SORCS2: variants seen among roughly 807,000 people sequenced by gnomAD.
SORCS2 encodes VPS10 domain-containing receptor SorCS2.
Under a neutral mutation model 141.6 loss-of-function variants are expected in SORCS2, and 100 were observed. The observed-to-expected ratio is 0.71, with a 90% confidence interval of 0.60 to 0.83. The LOEUF (loss-of-function observed/expected upper bound fraction) is 0.83. Among genes scored for constraint, SORCS2 ranks in the 40% least tolerant of loss-of-function variants. SORCS2 has a pLI of 0.00. For synonymous variants in SORCS2, 789 were observed against 676.9 expected (o/e 1.17, Z -2.57); for missense variants, 1,646 against 1,560.2 (o/e 1.05, Z -0.93).
At chr4:7,619,401 G>A (rs1718995554) in intron 3 of SORCS2, among the ~76,000 whole-genome samples, 1 of 152,260 alleles carries the variant, frequency 6.6e-6, no homozygotes, top group South Asian at 2.1e-4. Flanking sequence ...AAGTCTGGGA[G>A]CGTGGCTTCC....
chr4:7,373,476 ATATTTTTTTTTTTTTTT>A (rs1231735364), intron 1 of SORCS2, among the ~76,000 whole-genome samples: 1 of 44,590 alleles, frequency 2.2e-5, no homozygotes, highest in Non-Finnish European at 3.4e-5. Flanking sequence ...ATATATATAT[ATATTTTTTTTTTTTTTT>A]TTTTTTTTTT....
chr4:7,530,433 G>C (rs576298931), intron 2 of SORCS2, among the ~76,000 whole-genome samples: 3 of 152,320 alleles, frequency 2.0e-5, no homozygotes, highest in African/African-American at 7.2e-5. Flanking sequence ...GCAGTGATCA[G>C]ACATGGGGAA....
chr4:7,502,594 G>C (rs1732035948), intron 2 of SORCS2, among the ~76,000 whole-genome samples: 1 of 152,186 alleles, frequency 6.6e-6, no homozygotes, highest in South Asian at 2.1e-4. Flanking sequence ...TGGCTCCCTT[G>C]ATCACCTTGT....
intron 2 of SORCS2, among the ~76,000 whole-genome samples, chr4:7,424,904 C>T (rs977450210): frequency 3.3e-5 from 5 of 152,216 alleles, no homozygotes; most frequent in Admixed American, 6.5e-5. Flanking sequence ...CACCACCTCC[C>T]GAGGGGCAGG....
At chr4:7,213,237 C>T (rs1728153112) in intron 1 of SORCS2, among the ~76,000 whole-genome samples, 1 of 151,766 alleles carries the variant, frequency 6.6e-6, no homozygotes, top group Admixed American at 6.6e-5. Context: ...GGCACCTCCT[C>T]CATGGGTGCT....
chr4:7,671,374 T>C (rs1722788582), intron 8 of SORCS2, among the ~76,000 whole-genome samples: 1 of 152,102 alleles, frequency 6.6e-6, no homozygotes, highest in South Asian at 2.1e-4. Flanking sequence ...AAACCTTCCC[T>C]GAGAAAGACC....
chr4:7,393,637 G>A (rs1446412559), intron 1 of SORCS2, among the ~76,000 whole-genome samples: 1 of 152,092 alleles, frequency 6.6e-6, no homozygotes, highest in Admixed American at 6.5e-5. Flanking sequence ...TGTGGCTCCT[G>A]GGGGCATGGG....
chr4:7,719,091 G>A (rs1379341938), intron 18 of SORCS2, among the ~76,000 whole-genome samples: 1 of 152,242 alleles, frequency 6.6e-6, no homozygotes, highest in African/African-American at 2.4e-5. Context: ...CTCCCGGCAC[G>A]CAGCTTTCCT....
intron 2 of SORCS2, among the ~76,000 whole-genome samples, chr4:7,481,357 G>C (rs1730623806): frequency 6.6e-6 from 1 of 152,254 alleles, no homozygotes; most frequent in Admixed American, 6.5e-5. Flanking sequence ...CTGCCAGGCA[G>C]GGCTGGGCTC....
chr4:7,248,155 C>A (rs1253255433), intron 1 of SORCS2, among the ~76,000 whole-genome samples: 12 of 152,164 alleles, frequency 7.9e-5, no homozygotes, highest in African/African-American at 2.9e-4. Flanking sequence ...GCCCCCCTAC[C>A]GAGGGAGGCT....
intron 1 of SORCS2, among the ~76,000 whole-genome samples, chr4:7,219,718 T>A (rs1023359146): frequency 1.3e-5 from 2 of 152,146 alleles, no homozygotes; most frequent in Non-Finnish European, 2.9e-5. Flanking sequence ...GCTGGGTCCC[T>A]CCCATGACAC....
Position 7,470,458 on chromosome 4 carries a change from A to C in SORCS2, c.549-61072A>C, listed in dbSNP as rs574166809. On this transcript the variant is annotated intron_variant, in intron 2 of 26. Transcript: ENST00000507866. The stretch of plus-strand genomic sequence containing the variant: ...TCACTCATCCATTCATCCAGGTGGG[A>C]TAGGGATGGACAGCTGCATGGGTTC... 1.6e-4 allele frequency among the ~76,000 whole-genome samples: 24 copies of C among 152,198 alleles called. No homozygotes were observed. The South Asian group carries it at 4.8e-3, about 30-fold the overall frequency.
rs1424804655 is a variant in SORCS2 at position 7,540,003 on chromosome 4, CCT to C, written c.648+8375_648+8376del. On this transcript the variant is annotated intron_variant, in intron 3 of 26. Transcript: ENST00000507866. ...CCTGTTGCAAAGGCCCCACTCCCTC[CCT>C]GTTATGGAGGCCCCGCCCCCTTTCT... Among the ~76,000 whole-genome samples, 3 of 150,882 alleles carry C rather than the reference CCT, an allele frequency of 2.0e-5. No individual in the cohort carries two copies. The East Asian group carries it at 6.0e-4, about 30-fold the overall frequency.
intron 1 of SORCS2, among the ~76,000 whole-genome samples, chr4:7,361,718 C>T (rs764195281): frequency 9.9e-5 from 15 of 151,766 alleles, no homozygotes; most frequent in Non-Finnish European, 1.8e-4. Flanking sequence ...GACCCCACTG[C>T]AGGCAGCTGT....
At chr4:7,405,985 A>G (rs1724944087) in intron 2 of SORCS2, among the ~76,000 whole-genome samples, 1 of 151,970 alleles carries the variant, frequency 6.6e-6, no homozygotes, top group South Asian at 2.1e-4. Context: ...TGTTGTATAT[A>G]GCCTTTATTA....
intron 2 of SORCS2, among the ~76,000 whole-genome samples, chr4:7,507,019 C>T (rs1732313113): frequency 6.6e-6 from 1 of 152,180 alleles, no homozygotes; most frequent in Non-Finnish European, 1.5e-5. Context: ...ACAGGAACCC[C>T]TCACTGTGAT....
chr4:7,356,318 C>T (rs1721250811), intron 1 of SORCS2, among the ~76,000 whole-genome samples: 1 of 152,218 alleles, frequency 6.6e-6, no homozygotes, highest in African/African-American at 2.4e-5. Context: ...AACAGAATAT[C>T]ACAGACTGAG....
chr4:7,210,323 T>C (rs950867942), intron 1 of SORCS2, among the ~76,000 whole-genome samples: 1 of 152,222 alleles, frequency 6.6e-6, no homozygotes, highest in Non-Finnish European at 1.5e-5. Context: ...TCTCTGTGGC[T>C]CAGGCTGGAG....
intron 9 of SORCS2, among the ~76,000 whole-genome samples, chr4:7,682,027 G>A (rs998795879): frequency 1.3e-5 from 2 of 152,154 alleles, no homozygotes; most frequent in African/African-American, 4.8e-5. Flanking sequence ...GAACTTGCAG[G>A]AAAAGACCCT....
Sources: allele counts gnomAD v4.1 joint callset (sites outside exome capture counted in the v4.1 genomes callset), GRCh38; gene constraint gnomAD v4.1.1; transcripts MANE v1.5; gene names NCBI Gene and HGNC (gene_info 2026-07-23, HGNC 2026-07-21).